The following RGS7 variants were observed in gnomAD, a reference collection of about 807,000 sequenced individuals.
The protein encoded by RGS7 is regulator of G-protein signaling 7.
In RGS7, 27 loss-of-function variants were observed where a neutral mutation model predicts 81.1. The ratio of observed to expected loss-of-function variants is 0.33; its 90% CI spans 0.25 to 0.46. The LOEUF (loss-of-function observed/expected upper bound fraction) is 0.46. Ranked by LOEUF, RGS7 falls within the 20% of genes least tolerant of loss-of-function variation. The pLI is 1.00. For synonymous variants in RGS7, 208 were observed against 207.7 expected (o/e 1.00, Z -0.01); for missense variants, 396 against 607.4 (o/e 0.65, Z 3.66).
intron 3 of RGS7, among the ~76,000 whole-genome samples, chr1:240,984,849 G>T (rs915593937): frequency 1.3e-5 from 2 of 152,090 alleles, no homozygotes; most frequent in Non-Finnish European, 2.9e-5. Context: ...TACTAAACTT[G>T]ACAATAAAGT....
At chr1:240,834,635 C>A (rs1040207171) in intron 9 of RGS7, among the ~76,000 whole-genome samples, 2 of 152,086 alleles carry the variant, frequency 1.3e-5, no homozygotes, top group Admixed American at 1.3e-4. Flanking sequence ...CTCAGCCTCC[C>A]GAGTAGCTGG....
intron 9 of RGS7, among the ~76,000 whole-genome samples, chr1:240,856,139 T>C (rs536686631): frequency 5.0e-4 from 76 of 152,310 alleles, no homozygotes; most frequent in African/African-American, 1.8e-3. Flanking sequence ...TTCAATTATA[T>C]TTTTAAACAC....
At chr1:241,037,888 T>G (rs1442204742) in intron 3 of RGS7, among the ~76,000 whole-genome samples, 1 of 152,140 alleles carries the variant, frequency 6.6e-6, no homozygotes, top group Non-Finnish European at 1.5e-5. Context: ...ATATTGTATG[T>G]TCTCACTTAT....
chr1:240,945,209 C>T (rs1292526639), intron 4 of RGS7, among the ~76,000 whole-genome samples: 16 of 152,184 alleles, frequency 1.1e-4, no homozygotes, highest in Admixed American at 9.8e-4. Flanking sequence ...CTTGCCATTG[C>T]CCATGTCCCA....
At chr1:241,250,711 G>A (rs912172805) in intron 2 of RGS7, among the ~76,000 whole-genome samples, 1 of 152,108 alleles carries the variant, frequency 6.6e-6, no homozygotes, top group African/African-American at 2.4e-5. Context: ...AGGAGTGTTT[G>A]CACACCTGTC....
At chr1:241,156,075 C>T (rs1314833891) in intron 2 of RGS7, among the ~76,000 whole-genome samples, 12 of 139,720 alleles carry the variant, frequency 8.6e-5, no homozygotes, top group South Asian at 2.2e-4. Flanking sequence ...AATTTACACA[C>T]GCACGCACAC....
intron 5 of RGS7, among the ~76,000 whole-genome samples, chr1:240,932,988 A>G (rs1446000525): frequency 7.6e-6 from 1 of 132,426 alleles, no homozygotes; most frequent in Admixed American, 9.1e-5. Flanking sequence ...GGTTCACGCC[A>G]TTCTCCTGCC....
chr1:241,146,138 A>G (rs1409414466), intron 2 of RGS7, among the ~76,000 whole-genome samples: 7 of 152,204 alleles, frequency 4.6e-5, no homozygotes, highest in Non-Finnish European at 2.9e-5. Flanking sequence ...CTCCCTCCAC[A>G]CTGGCATCCA....
At chr1:240,826,173 C>T (rs967056731) in intron 10 of RGS7, among the ~76,000 whole-genome samples, 2 of 152,198 alleles carry the variant, frequency 1.3e-5, no homozygotes, top group Non-Finnish European at 2.9e-5. Flanking sequence ...TTCCTACGGG[C>T]AGAAGCATTT....
chr1:241,030,377 T>TATAC (rs71793632), intron 3 of RGS7, among the ~76,000 whole-genome samples: 9,124 of 137,262 alleles, frequency 0.066, 686 homozygotes, highest in Middle Eastern at 0.12. Context: ...TATATATACA[T>TATAC]ACACACATAC....
intron 2 of RGS7, among the ~76,000 whole-genome samples, chr1:241,287,457 G>A (rs931915101): frequency 2.6e-5 from 4 of 152,140 alleles, no homozygotes; most frequent in Non-Finnish European, 5.9e-5. Flanking sequence ...CACTTAAGAC[G>A]TGACTTTGCT....
intron 2 of RGS7, among the ~76,000 whole-genome samples, chr1:241,192,159 G>GGTGTGTGTGT (rs58714151): frequency 0.043 from 5,280 of 121,788 alleles, 173 homozygotes; most frequent in Non-Finnish European, 0.047. Flanking sequence ...AGAGAAAACA[G>GGTGTGTGTGT]GTGTGTGTGT....
intron 3 of RGS7, among the ~76,000 whole-genome samples, chr1:241,052,548 T>C (rs1175817465): frequency 6.6e-6 from 1 of 152,152 alleles, no homozygotes; most frequent in Non-Finnish European, 1.5e-5. Flanking sequence ...CTGTATGCCT[T>C]AGCTTGACCT....
At chr1:241,058,719 A>G (rs1464993651) in intron 3 of RGS7, among the ~76,000 whole-genome samples, 1 of 152,242 alleles carries the variant, frequency 6.6e-6, no homozygotes, top group Admixed American at 6.5e-5. Flanking sequence ...ACCTGAGACA[A>G]TTAGCTCCAG....
At chr1:240,997,628 C>A (rs1210139577) in intron 3 of RGS7, among the ~76,000 whole-genome samples, 1 of 152,166 alleles carries the variant, frequency 6.6e-6, no homozygotes, top group Non-Finnish European at 1.5e-5. Flanking sequence ...AGTTCGAGAC[C>A]AGCCTGACCA....
chr1:240,859,421 TTTTC>T (rs1351973714), intron 9 of RGS7, among the ~76,000 whole-genome samples: 1 of 149,800 alleles, frequency 6.7e-6, no homozygotes, highest in Non-Finnish European at 1.5e-5. Context: ...TACATTGTGT[TTTTC>T]TTTCTTTCTT....
intron 2 of RGS7, among the ~76,000 whole-genome samples, chr1:241,221,057 A>AAGAAAGAG (rs1218363622): frequency 8.0e-6 from 1 of 125,630 alleles, no homozygotes; most frequent in Non-Finnish European, 1.8e-5. Flanking sequence ...GAAAGAAAGA[A>AAGAAAGAG]AGAGAGAGAG....
intron 6 of RGS7, among the ~76,000 whole-genome samples, chr1:240,911,594 T>C (rs1671754800): frequency 1.3e-5 from 2 of 152,210 alleles, no homozygotes; most frequent in Admixed American, 6.5e-5. Context: ...AGCCACTGCA[T>C]ACTGGGTGCC....
intron 2 of RGS7, among the ~76,000 whole-genome samples, chr1:241,162,681 C>A (rs913243452): frequency 6.6e-6 from 1 of 152,204 alleles, no homozygotes; most frequent in Admixed American, 6.5e-5. Context: ...TGGCCAAATT[C>A]TTTCCTTTGA....
Sources: gnomAD v4.1 joint callset for allele counts (sites outside exome capture counted in the v4.1 genomes callset) on GRCh38, gnomAD v4.1.1 for gene constraint, MANE v1.5 for transcripts, NCBI Gene and HGNC (gene_info 2026-07-23, HGNC 2026-07-21) for gene names.